The following MACF1 variants were observed in gnomAD, a reference collection of about 807,000 sequenced individuals.
MACF1 encodes microtubule-actin cross-linking factor 1.
In MACF1, 193 loss-of-function variants were observed where a neutral mutation model predicts 854.8. The ratio of observed to expected loss-of-function variants is 0.23; its 90% CI spans 0.20 to 0.25. The LOEUF (loss-of-function observed/expected upper bound fraction) is 0.25. Ranked by LOEUF, MACF1 falls within the 10% of genes least tolerant of loss-of-function variation. The pLI is 1.00. For missense variants in MACF1, 7,722 were observed against 8,929.1 expected, an observed-to-expected ratio of 0.86 and a Z score of 5.45; for synonymous variants, 3,185 against 3,226.7, an observed-to-expected ratio of 0.99 and a Z score of 0.44.
intron 15 of MACF1, among the ~76,000 whole-genome samples, chr1:39,289,693 C>CTTTTTTCTT (rs1645730832): frequency 3.5e-5 from 1 of 28,940 alleles, no homozygotes; most frequent in Admixed American, 7.3e-4. Context: ...GTGGGTTGTC[C>CTTTTTTCTT]TTTTTTTTTT....
At chr1:39,294,912 C>G (rs1437942737) in intron 18 of MACF1, 134 bp from the exon 19 acceptor site, 1 of 629,758 alleles carries the variant, frequency 1.6e-6, no homozygotes. Flanking sequence ...CTGGCATGCA[C>G]TGTTTATACA....
chr1:39,246,133 T>C (rs1644978888), intron 2 of MACF1, among the ~76,000 whole-genome samples: 2 of 152,212 alleles, frequency 1.3e-5, no homozygotes, highest in Admixed American at 6.5e-5. Context: ...CTTCTGTCCT[T>C]TGTTGATTGC....
chr1:39,441,386 AT>A lies in MACF1; in HGVS notation c.18672+66del, dbSNP rs1644113891. 96 of 1,374,558 alleles carry A rather than the reference AT, an allele frequency of 7.0e-5. 2 individuals carry two copies. The South Asian group carries it at 1.1e-3, about 16-fold the overall frequency. 85.1% of individuals were successfully genotyped at this position (1,374,558 alleles called of 1,614,324 possible). A position where few individuals can be genotyped will look rare whatever the true frequency, so the allele number is the denominator to read the frequency against. ...GGTTCTGTTTTTTGCCATTTTTGTC[AT>A]TTTTGGAATTAAGCACAAAAGTGGA... On this transcript the variant is annotated intron_variant, in intron 74 of 100. Coordinates refer to ENST00000564288, the MANE Select transcript of MACF1 (RefSeq NM_001394062.1).
At chr1:39,290,629 G>T in intron 15 of MACF1, among the ~76,000 whole-genome samples, 1 of 145,098 alleles carries the variant, frequency 6.9e-6, no homozygotes, top group Admixed American at 6.9e-5. Flanking sequence ...CTCATTGACA[G>T]AGGAGTTTAT....
At chr1:39,269,257 T>A (rs1473031017) in intron 6 of MACF1, 1 of 1,289,642 alleles carries the variant, frequency 7.8e-7, no homozygotes. Flanking sequence ...GAGACTGCAG[T>A]GGAGAAAGGA....
intron 97 of MACF1, among the ~76,000 whole-genome samples, chr1:39,476,495 C>T (rs983368887): frequency 6.6e-6 from 1 of 151,788 alleles, no homozygotes; most frequent in African/African-American, 2.4e-5. Context: ...CACTTGAACC[C>T]AGGAGGCGGA....
At chr1:39,414,263 C>T (rs1231565438) in intron 58 of MACF1, 1 of 1,614,058 alleles carries the variant, frequency 6.2e-7, no homozygotes, top group South Asian at 1.1e-5. Flanking sequence ...GAGGAAGTTT[C>T]CCCCATTGGT....
chr1:39,327,485 C>A, intron 36 of MACF1, 132 bp downstream of exon 36: 1 of 943,262 alleles, frequency 1.1e-6, no homozygotes, highest in Non-Finnish European at 1.5e-6. Flanking sequence ...CTCACCTTAG[C>A]AGCCATTTGT....
intron 67 of MACF1, 40 bp from the exon 68 acceptor site, chr1:39,433,008 A>G: frequency 7.9e-7 from 1 of 1,264,750 alleles, no homozygotes; most frequent in Non-Finnish European, 1.1e-6. Flanking sequence ...TAACAGGAAA[A>G]GGGTCTTTTT....
chr1:39,401,272 C>T (rs191638773), intron 58 of MACF1, among the ~76,000 whole-genome samples: 22 of 152,290 alleles, frequency 1.4e-4, no homozygotes, highest in African/African-American at 5.3e-4. Flanking sequence ...ATTACCAGCT[C>T]AGTGACTTCC....
At chr1:39,411,503 A>T in intron 58 of MACF1, 2 of 1,613,256 alleles carry the variant, frequency 1.2e-6, no homozygotes, top group Non-Finnish European at 1.7e-6. Flanking sequence ...GTTCCCAAGG[A>T]TATACCCCTG....
intron 2 of MACF1, among the ~76,000 whole-genome samples, chr1:39,140,287 T>C (rs565054327): frequency 1.1e-4 from 16 of 152,236 alleles, no homozygotes; most frequent in African/African-American, 3.9e-4. Context: ...AAATCCCATG[T>C]TTTTTCCACC....
intron 7 of MACF1, 86 bp downstream of exon 7, chr1:39,282,460 C>A: frequency 7.5e-7 from 1 of 1,325,028 alleles, no homozygotes; most frequent in African/African-American, 1.5e-5. Context: ...TCCATCTCCT[C>A]AATCAAAAAT....
Position 39,250,028 on chromosome 1 carries a change from C to T in MACF1, c.186C>T (p.Ile62=), listed in dbSNP as rs764889834. The change falls in exon 3 of 101, where the codon ATC becomes ATT. Residue 62 remains isoleucine (I), a synonymous_variant. Coordinates refer to ENST00000564288, the MANE Select transcript of MACF1 (RefSeq NM_001394062.1). ...NKHLMKVRKH[I]NDLYEDLRDG... ...CTCATTCACAGGTCCGCAAGCACAT[C>T]AATGATCTTTATGAAGATCTGCGGG... The T allele has an allele frequency of 6.2e-7, 1 of 1,611,588 alleles. No individual in the cohort carries two copies. The highest frequency in any genetic ancestry group is 1.1e-5 in the South Asian group (1 of 90,900).
chr1:39,110,028 C>CAAAAT (rs1234971893), intron 2 of MACF1, among the ~76,000 whole-genome samples: 1 of 149,872 alleles, frequency 6.7e-6, no homozygotes, highest in Admixed American at 6.6e-5. Flanking sequence ...AAAAATAATA[C>CAAAAT]AAAATAAAAT....
chr1:39,480,848 G>C, intron 98 of MACF1, 72 bp from the exon 99 acceptor site: 1 of 746,262 alleles, frequency 1.3e-6, no homozygotes, highest in Middle Eastern at 2.3e-4. Context: ...ATTTTTTTCT[G>C]TTCCCAATGT....
chr1:39,239,585 G>T (rs1282657497), intron 2 of MACF1, among the ~76,000 whole-genome samples: 2 of 152,210 alleles, frequency 1.3e-5, no homozygotes, highest in African/African-American at 4.8e-5. Flanking sequence ...GTTTCTAAAT[G>T]AGGTCTTATT....
intron 96 of MACF1, among the ~76,000 whole-genome samples, chr1:39,469,257 T>A (rs111511423): frequency 6.6e-6 from 1 of 152,142 alleles, no homozygotes; most frequent in Non-Finnish European, 1.5e-5. Flanking sequence ...TTCTGCTAAA[T>A]GTGAAAAGGC....
In MACF1 at chr1:39,439,372, G is replaced by T. The variant is rs1028074687; in HGVS notation, c.18319G>T (p.Ala6107Ser). 6.2e-7 allele frequency: 1 copy of T among 1,614,064 alleles called. No individual in the cohort carries two copies. Among genetic ancestry groups the T allele is most frequent in the African/African-American group, 1.3e-5 (1 of 75,042 alleles). The stretch of plus-strand genomic sequence containing the variant: ...CAAATTTCTTGATGTCCTTGAATTA[G>T]CAGAGAAGTTCTGGTATGACATGGC... ...EIKFLDVLELAEKFWYDMAAL... is the reference protein window; with the variant it reads ...EIKFLDVLELSEKFWYDMAAL... Residue 6107 changes from alanine (A) to serine (S), a missense_variant, in exon 72 of 101, where the codon GCA becomes TCA. By Grantham distance (99) the Ala-to-Ser change is moderately conservative (BLOSUM62 1). Transcript: ENST00000564288.
Sources: gnomAD v4.1 joint callset for allele counts (sites outside exome capture counted in the v4.1 genomes callset) on GRCh38, gnomAD v4.1.1 for gene constraint, MANE v1.5 for transcripts, NCBI Gene and HGNC (gene_info 2026-07-23, HGNC 2026-07-21) for gene names.